The following NBEA variants were observed in gnomAD, a reference collection of about 807,000 sequenced individuals.
NBEA encodes neurobeachin.
A neutral mutation model predicts 343.4 loss-of-function variants in NBEA; 44 were observed. The ratio of observed to expected loss-of-function variants is 0.13; its 90% confidence interval spans 0.10 to 0.16. The LOEUF (loss-of-function observed/expected upper bound fraction) is 0.16. Ranked by LOEUF, NBEA falls within the 10% of genes least tolerant of loss-of-function variation. The pLI is 1.00. For synonymous variants in NBEA, 1,175 were observed against 1,238.7 expected, an observed-to-expected ratio of 0.95 and a Z score of 1.08; for missense variants, 2,555 against 3,631.3, an observed-to-expected ratio of 0.70 and a Z score of 7.62.
In NBEA at chr13:34,943,089, A is replaced by G; in HGVS notation, c.269A>G (p.Asp90Gly). ...LIQVGEVSNR[D>G]IVETVLNLLV... The stretch of plus-strand genomic sequence containing the variant: ...CAGGTCGGAGAGGTCAGCAACAGGG[A>G]CATCGTGGAGACGGTGCTCAACCTG... The change falls in exon 1 of 59, where the codon GAC becomes GGC. Residue 90 changes from aspartate (D) to glycine (G), a missense_variant. Asp to Gly is a moderately conservative substitution (Grantham distance 94). This residue lies in a region of NBEA where 185 missense variants were observed against 290.6 expected (regional missense o/e 0.64). Coordinates refer to ENST00000379939, the MANE Select transcript of NBEA (RefSeq NM_001385012.1). The G allele has an allele frequency of 6.2e-7, 1 of 1,613,668 alleles. No homozygotes were observed. Among genetic ancestry groups the G allele is most frequent in the Non-Finnish European group, 8.5e-7 (1 of 1,179,744 alleles).
chr13:34,977,233 C>T (rs1244031594), intron 1 of NBEA, among the ~76,000 whole-genome samples: 3 of 151,956 alleles, frequency 2.0e-5, no homozygotes, highest in Admixed American at 2.0e-4. Context: ...AGCCACTGCG[C>T]CCAGCTAGAC....
rs1248142163 is a variant in NBEA at position 35,292,759 on chromosome 13, A to G, written c.5838+2309A>G. Among the ~76,000 whole-genome samples the G allele has an allele frequency of 2.0e-5, 3 of 152,096 alleles. No homozygotes were observed. The East Asian group carries it at 5.8e-4, about 29-fold the overall frequency. On this transcript the variant is annotated intron_variant, in intron 35 of 58. Transcript: ENST00000379939. The stretch of plus-strand genomic sequence containing the variant: ...TTTTCCACAGTGAGAAATCCAACTA[A>G]GATATTATTCATATTGTAATTTAAT...
chr13:35,338,196 A>G (rs906211592), intron 36 of NBEA, among the ~76,000 whole-genome samples: 8 of 151,894 alleles, frequency 5.3e-5, no homozygotes, highest in African/African-American at 1.9e-4. Context: ...AAGACCAACA[A>G]AATTGAAAAA....
At chr13:35,014,414 C>T (rs1164220636) in intron 1 of NBEA, among the ~76,000 whole-genome samples, 1 of 152,110 alleles carries the variant, frequency 6.6e-6, no homozygotes, top group Admixed American at 6.5e-5. Context: ...GCATACTTCA[C>T]AGTTGTCTTC....
chr13:35,550,452 C>T, intron 41 of NBEA, 25 bp from the exon 42 acceptor site: 4 of 1,366,376 alleles, frequency 2.9e-6, no homozygotes, highest in Non-Finnish European at 4.1e-6. Context: ...TTGATTGACA[C>T]TTCCCTTTAA....
intron 31 of NBEA, among the ~76,000 whole-genome samples, chr13:35,201,878 T>C (rs533507855): frequency 6.6e-5 from 10 of 152,194 alleles, no homozygotes; most frequent in African/African-American, 2.2e-4. Flanking sequence ...TTCTGTTACC[T>C]CCTAACTGCC....
In NBEA at chr13:35,171,579, TAC is replaced by T. The variant is rs376060354; in HGVS notation, c.4423+129_4423+130del. The T allele has an allele frequency of 6.4e-3, 4,873 of 766,438 alleles. 26 individuals carry two copies. The highest frequency in any genetic ancestry group is 7.6e-3 in the Non-Finnish European group (4,127 of 539,544). The allele number at this position is 766,438 out of a possible 1,614,324, so 47.5% of individuals were successfully genotyped here. A position where few individuals can be genotyped will look rare whatever the true frequency, so the allele number is the denominator to read the frequency against. ...ATATAATATGGAGATTATCTTGAGA[TAC>T]AGAGATTATTTTTATAATTAATCAG... On this transcript the variant is annotated intron_variant, in intron 26 of 58. Coordinates refer to ENST00000379939, the MANE Select transcript of NBEA (RefSeq NM_001385012.1).
chr13:35,398,740 G>T (rs555165786), intron 38 of NBEA, among the ~76,000 whole-genome samples: 1 of 152,092 alleles, frequency 6.6e-6, no homozygotes, highest in East Asian at 1.9e-4. Flanking sequence ...TAGAGCACAG[G>T]CAGACTAGAT....
At chr13:35,172,252 C>G (rs902141046) in intron 26 of NBEA, among the ~76,000 whole-genome samples, 1 of 150,478 alleles carries the variant, frequency 6.6e-6, no homozygotes, top group Admixed American at 6.6e-5. Flanking sequence ...GGGATGAAAC[C>G]TTTTTTTGTT....
Position 35,232,590 on chromosome 13 carries a change from G to T in NBEA, c.5747G>T (p.Gly1916Val). ...CCATTCCTATCTCGTACACTTCTTG[G>T]CAGTCATGGACAAGAGCTATTGATA... is the stretch of plus-strand genomic sequence containing the variant. ...FAPFLSRTLL[G>V]SHGQELLIEG... The change falls in exon 34 of 59, where the codon GGC (glycine) becomes GTC (valine). Residue 1916 changes from glycine to valine, a missense_variant. Physicochemically the swap from Gly to Val is moderately radical, Grantham distance 109 (BLOSUM62 -3). Around this residue, in one of 21 missense-constraint regions of NBEA, gnomAD observed 84 missense variants for 196.4 expected, o/e 0.43. Transcript: ENST00000379939. 6.5e-7 allele frequency: 1 copy of T among 1,547,106 alleles called. No individual in the cohort carries two copies. The highest frequency in any genetic ancestry group is 2.4e-5 in the East Asian group (1 of 41,886).
intron 36 of NBEA, among the ~76,000 whole-genome samples, chr13:35,333,827 A>G (rs1247875341): frequency 6.6e-6 from 1 of 152,156 alleles, no homozygotes; most frequent in African/African-American, 2.4e-5. Flanking sequence ...TGTTTCATTT[A>G]ACATAATGAC....
intron 35 of NBEA, among the ~76,000 whole-genome samples, chr13:35,304,337 G>GTGTGTC (rs1325687298): frequency 2.6e-5 from 4 of 151,636 alleles, no homozygotes; most frequent in Non-Finnish European, 5.9e-5. Context: ...TTCTCTGTGT[G>GTGTGTC]TGTGTGTGTG....
intron 35 of NBEA, among the ~76,000 whole-genome samples, chr13:35,293,097 A>C (rs2035899707): frequency 6.6e-6 from 1 of 151,976 alleles, no homozygotes; most frequent in Non-Finnish European, 1.5e-5. Flanking sequence ...GCTCCTGAAT[A>C]AACTTACTAT....
chr13:34,953,340 A>G (rs2059401834), intron 1 of NBEA, among the ~76,000 whole-genome samples: 1 of 152,138 alleles, frequency 6.6e-6, no homozygotes, highest in Non-Finnish European at 1.5e-5. Flanking sequence ...CTTTAAATGA[A>G]GTATTTAAAT....
intron 38 of NBEA, among the ~76,000 whole-genome samples, chr13:35,369,609 G>A (rs765394599): frequency 8.6e-5 from 13 of 151,664 alleles, no homozygotes; most frequent in Non-Finnish European, 1.5e-4. Context: ...CACCTCTTTG[G>A]TTACATTGTG....
Position 35,006,231 on chromosome 13 carries a change from CTTTTAT to C in NBEA, c.295-34694_295-34689del, listed in dbSNP as rs577342454. ...TCCCACTACTTTTGGATGTACATGT[CTTTTAT>C]TTTTATTCAGCATCCCCCTTTATTA... On this transcript the variant is annotated intron_variant, in intron 1 of 58. Transcript: ENST00000379939. Among the ~76,000 whole-genome samples the C allele has an allele frequency of 2.7e-3, 403 of 151,730 alleles. 2 individuals are homozygous for C. The highest frequency in any genetic ancestry group is 9.2e-3 in the African/African-American group (379 of 41,408).
At chr13:35,639,259 T>C (rs2083831082) in intron 49 of NBEA, among the ~76,000 whole-genome samples, 1 of 152,166 alleles carries the variant, frequency 6.6e-6, no homozygotes, top group Non-Finnish European at 1.5e-5. Flanking sequence ...TAGTTTAATA[T>C]TTATAAAGCA....
At chr13:35,161,556 A>G (rs916103921) in intron 22 of NBEA, among the ~76,000 whole-genome samples, 194 bp from the exon 23 acceptor site, 2 of 152,190 alleles carry the variant, frequency 1.3e-5, no homozygotes, top group African/African-American at 4.8e-5. Context: ...AATAAAAGCA[A>G]TAATGGAGAC....
intron 58 of NBEA, among the ~76,000 whole-genome samples, chr13:35,670,631 G>C (rs1455581929): frequency 6.6e-6 from 1 of 152,242 alleles, no homozygotes; most frequent in Non-Finnish European, 1.5e-5. Context: ...GGGGCACCCA[G>C]CGGAGGCTGG....
Sources: gnomAD v4.1 joint callset for allele counts (sites outside exome capture counted in the v4.1 genomes callset) on GRCh38, gnomAD v4.1.1 for gene constraint, gnomAD v4.1.1 regional missense constraint, MANE v1.5 for transcripts, NCBI Gene and HGNC (gene_info 2026-07-23, HGNC 2026-07-21) for gene names.